CNTNAP5: variants seen among roughly 807,000 people sequenced by gnomAD.
CNTNAP5 encodes the protein contactin-associated protein-like 5.
A neutral mutation model predicts 150.2 loss-of-function variants in CNTNAP5; 72 were observed. That is an observed-to-expected ratio of 0.48 (90% CI 0.40 to 0.58). CNTNAP5 has a LOEUF of 0.58. CNTNAP5 is among the 20% of genes least tolerant of loss of function. CNTNAP5 has a pLI of 0.00. For synonymous variants in CNTNAP5, 672 were observed against 619.8 expected, an observed-to-expected ratio of 1.08 and a Z score of -1.25; for missense variants, 1,636 against 1,626.2, an observed-to-expected ratio of 1.01 and a Z score of -0.10.
intron 12 of CNTNAP5, among the ~76,000 whole-genome samples, chr2:124,621,903 G>A (rs945522377): frequency 3.3e-5 from 5 of 152,124 alleles, no homozygotes; most frequent in Admixed American, 6.6e-5. Context: ...ATACAATTTG[G>A]TACTGGTATC....
intron 12 of CNTNAP5, 44 bp from the exon 13 acceptor site, chr2:124,647,714 A>G (rs1028125325): frequency 1.3e-6 from 2 of 1,522,302 alleles, no homozygotes; most frequent in Non-Finnish European, 1.8e-6. Flanking sequence ...CATTTTTGAC[A>G]TTGCTTCTAA....
chr2:124,375,508 G>A (rs74377587), intron 3 of CNTNAP5, among the ~76,000 whole-genome samples: 5,337 of 152,160 alleles, frequency 0.035, 150 homozygotes, highest in Non-Finnish European at 0.042. Context: ...AAGAAAGACT[G>A]ACAAGACTGT....
intron 12 of CNTNAP5, among the ~76,000 whole-genome samples, chr2:124,634,800 C>T (rs1031241278): frequency 1.3e-5 from 2 of 152,090 alleles, no homozygotes; most frequent in Non-Finnish European, 2.9e-5. Flanking sequence ...CACTGTACCT[C>T]ACGTAATAAA....
At chr2:124,481,344 T>G (rs1693758934) in intron 7 of CNTNAP5, among the ~76,000 whole-genome samples, 1 of 152,222 alleles carries the variant, frequency 6.6e-6, no homozygotes, top group African/African-American at 2.4e-5. Context: ...ACATTCAAAC[T>G]ATAGCAGTCA....
At chr2:124,101,111 A>T (rs1683052455) in intron 1 of CNTNAP5, among the ~76,000 whole-genome samples, 2 of 152,196 alleles carry the variant, frequency 1.3e-5, no homozygotes, top group Admixed American at 1.3e-4. Flanking sequence ...TTGAGGAGAT[A>T]TGCGAATGCT....
intron 14 of CNTNAP5, among the ~76,000 whole-genome samples, chr2:124,763,343 A>G (rs1378165042): frequency 6.6e-6 from 1 of 152,114 alleles, no homozygotes; most frequent in Non-Finnish European, 1.5e-5. Flanking sequence ...TGGGAATGAG[A>G]GGTGAGGTTT....
chr2:124,496,064 C>G (rs764220772), intron 7 of CNTNAP5, among the ~76,000 whole-genome samples: 8 of 152,132 alleles, frequency 5.3e-5, no homozygotes, highest in Non-Finnish European at 8.8e-5. Flanking sequence ...GTCTGTCTCA[C>G]TCCTTCACTG....
At chr2:124,758,956 T>C (rs148079223) in intron 14 of CNTNAP5, among the ~76,000 whole-genome samples, 2 of 152,302 alleles carry the variant, frequency 1.3e-5, no homozygotes, top group African/African-American at 4.8e-5. Flanking sequence ...GTCGAGCTTA[T>C]TCTCTACAAA....
chr2:124,604,743 C>T (rs1366577624), intron 11 of CNTNAP5, among the ~76,000 whole-genome samples: 1 of 152,186 alleles, frequency 6.6e-6, no homozygotes, highest in Non-Finnish European at 1.5e-5. Flanking sequence ...ATGCTGTTAC[C>T]AGGCTTTGCC....
At chr2:124,852,109 G>A (rs894024329) in intron 19 of CNTNAP5, among the ~76,000 whole-genome samples, 1 of 152,288 alleles carries the variant, frequency 6.6e-6, no homozygotes, top group African/African-American at 2.4e-5. Context: ...AAGGGAATTA[G>A]AAAGGGAAGA....
At chr2:124,281,117 A>T (rs534864485) in intron 3 of CNTNAP5, among the ~76,000 whole-genome samples, 1 of 152,274 alleles carries the variant, frequency 6.6e-6, no homozygotes, top group South Asian at 2.1e-4. Context: ...GAGGGGAAGA[A>T]GATTATGGGG....
intron 12 of CNTNAP5, among the ~76,000 whole-genome samples, chr2:124,632,730 G>A (rs1604807): frequency 0.43 from 65,004 of 151,748 alleles, 15,795 homozygotes; most frequent in Non-Finnish European, 0.56. Context: ...TAAAATGTTT[G>A]TTTAAAAATA....
At chr2:124,139,066 T>G (rs1684043095) in intron 1 of CNTNAP5, among the ~76,000 whole-genome samples, 1 of 152,138 alleles carries the variant, frequency 6.6e-6, no homozygotes, top group African/African-American at 2.4e-5. Flanking sequence ...AATCTTCTTT[T>G]CATCCTGGAA....
intron 1 of CNTNAP5, among the ~76,000 whole-genome samples, chr2:124,170,744 A>G (rs2104663541): frequency 6.6e-6 from 1 of 152,212 alleles, no homozygotes; most frequent in Non-Finnish European, 1.5e-5. Flanking sequence ...AACTGTGGGT[A>G]GTAGAAAAAT....
intron 1 of CNTNAP5, among the ~76,000 whole-genome samples, chr2:124,154,015 T>A (rs1258046564): frequency 1.3e-5 from 2 of 152,004 alleles, no homozygotes; most frequent in East Asian, 3.9e-4. Flanking sequence ...CCATATGCCA[T>A]CCCAGCGGAG....
chr2:124,371,939 G>A (rs1411133484), intron 3 of CNTNAP5, among the ~76,000 whole-genome samples: 1 of 151,980 alleles, frequency 6.6e-6, no homozygotes, highest in Non-Finnish European at 1.5e-5. Flanking sequence ...TTGAGGGATG[G>A]CTAGGCAGCT....
intron 21 of CNTNAP5, among the ~76,000 whole-genome samples, chr2:124,901,382 A>G (rs1573699142): frequency 2.0e-5 from 3 of 151,930 alleles, no homozygotes; most frequent in Admixed American, 2.0e-4. Context: ...CAGTGTAATC[A>G]AAAAGGTCCT....
chr2:124,396,678 A>G (rs1691253868), intron 3 of CNTNAP5, among the ~76,000 whole-genome samples: 1 of 152,206 alleles, frequency 6.6e-6, no homozygotes, highest in African/African-American at 2.4e-5. Context: ...TAGATGCTCC[A>G]GAAAGCCATG....
At chr2:124,385,604 A>G (rs901239360) in intron 3 of CNTNAP5, among the ~76,000 whole-genome samples, 1 of 152,262 alleles carries the variant, frequency 6.6e-6, no homozygotes, top group African/African-American at 2.4e-5. Context: ...AAGTAGGCAC[A>G]GAAACATATT....
Sources: gnomAD v4.1 joint callset for allele counts (sites outside exome capture counted in the v4.1 genomes callset) on GRCh38, gnomAD v4.1.1 for gene constraint, MANE v1.5 for transcripts, NCBI Gene and HGNC (gene_info 2026-07-23, HGNC 2026-07-21) for gene names.